Variants in DHX35 observed in about 807,000 individuals in gnomAD.
The protein encoded by DHX35 is probable ATP-dependent RNA helicase DHX35.
A neutral mutation model predicts 99.6 loss-of-function variants in DHX35; 84 were observed. The ratio of observed to expected loss-of-function variants is 0.84; its 90% CI spans 0.71 to 1.01. DHX35 has a LOEUF of 1.01. Ranked by LOEUF, DHX35 falls within the 50% of genes least tolerant of loss-of-function variation. The pLI is 0.00. For synonymous variants in DHX35, 331 were observed against 316.2 expected (o/e 1.05, Z -0.50); for missense variants, 852 against 888.5 (o/e 0.96, Z 0.52).
At chr20:39,023,409 C>T (rs1176542568) in intron 16 of DHX35, among the ~76,000 whole-genome samples, 1 of 152,068 alleles carries the variant, frequency 6.6e-6, no homozygotes, top group Non-Finnish European at 1.5e-5. Context: ...CGCCCTGTTG[C>T]CTTGGTTGGA....
intron 2 of DHX35, among the ~76,000 whole-genome samples, chr20:38,972,009 T>G (rs8119851): frequency 9.3e-4 from 127 of 135,960 alleles, no homozygotes; most frequent in Middle Eastern, 3.7e-3. Flanking sequence ...GTTTTGTTTT[T>G]TTTTTTTTTT....
intron 19 of DHX35, 84 bp downstream of exon 19, chr20:39,028,583 GTAAT>G: frequency 7.1e-7 from 1 of 1,408,530 alleles, no homozygotes; most frequent in Non-Finnish European, 1.0e-6. Flanking sequence ...TGCAGAGATA[GTAAT>G]TGCATAATTA....
intron 3 of DHX35, among the ~76,000 whole-genome samples, chr20:38,981,831 C>A (rs2086178440): frequency 6.6e-6 from 1 of 150,950 alleles, no homozygotes; most frequent in Non-Finnish European, 1.5e-5. Context: ...GTAATCCCAT[C>A]TACTAGGGAG....
rs767700687 is a variant in DHX35 at position 38,988,857 on chromosome 20, C to CGAG, written c.392_394dup (p.Glu131dup). 1.2e-6 allele frequency: 2 copies of CGAG among 1,613,728 alleles called. No individual in the cohort carries two copies. The highest frequency in any genetic ancestry group is 3.3e-5 in the Admixed American group (2 of 60,014). On this transcript the variant is annotated inframe_insertion, in exon 5 of 22. Transcript: ENST00000252011. Reference sequence around the variant, plus strand: ...AAGAAAGGGGTGCAGTGCTGGGCCACGAGGTGGGCTACTGCATCCGCTTTG... The same window carrying CGAG: ...AAGAAAGGGGTGCAGTGCTGGGCCACGAGGAGGTGGGCTACTGCATCCGCTTTG...
At position 39,033,278 on chromosome 20, in the gene DHX35, A is replaced by C. The variant is rs1361358992; in HGVS notation, c.1956-928A>C. 2.0e-5 allele frequency among the ~76,000 whole-genome samples: 3 copies of C among 152,208 alleles called. No homozygotes were observed. The East Asian group carries it at 5.8e-4, about 29-fold the overall frequency. On this transcript the variant is annotated intron_variant, in intron 20 of 21. Coordinates refer to ENST00000252011, the MANE Select transcript of DHX35 (RefSeq NM_021931.4). ...TAAATCAAGAGAGATGCAAAACCTC[A>C]ATTTTAGATCCTTTTTTTGCTGACT...
chr20:38,972,306 C>T (rs954908058), intron 2 of DHX35, among the ~76,000 whole-genome samples: 1 of 149,508 alleles, frequency 6.7e-6, no homozygotes, highest in Non-Finnish European at 1.5e-5. Flanking sequence ...CCACCTCACC[C>T]GGCCTATAAT....
intron 5 of DHX35, among the ~76,000 whole-genome samples, chr20:38,989,226 T>C (rs2086297663): frequency 6.7e-6 from 1 of 149,752 alleles, no homozygotes; most frequent in African/African-American, 2.5e-5. Flanking sequence ...GCCTCCCGAG[T>C]AGCTGGGACT....
intron 4 of DHX35, among the ~76,000 whole-genome samples, chr20:38,986,810 A>G (rs1357443186): frequency 1.3e-5 from 2 of 152,264 alleles, no homozygotes; most frequent in Non-Finnish European, 2.9e-5. Context: ...GATATAGACC[A>G]GCTGCCAGAT....
intron 19 of DHX35, chr20:39,029,369 T>C (rs899269503): frequency 6.6e-6 from 1 of 151,712 alleles, no homozygotes. Flanking sequence ...CCTGGGCTCC[T>C]GTTAATGAGT....
rs370695428 is a variant in DHX35 at position 38,962,407 on chromosome 20, G to A, written c.40G>A (p.Gly14Ser). 2.0e-5 allele frequency: 33 copies of A among 1,612,408 alleles called. No homozygotes were observed. The highest frequency in any genetic ancestry group is 1.7e-5 in the Admixed American group (1 of 59,910). ...GGGACCGGTGAAGTTCTGGCGACCC[G>A]GTAAGGCCCTTGGTGGAACGCTGGG... ...PVGPVKFWRP[G>S]TEGPGVSISE... Residue 14 changes from glycine (G) to serine (S), a missense_variant and splice_region_variant, in exon 1 of 22, where the codon GGT (glycine) becomes AGT (serine). Physicochemically the swap from Gly to Ser is moderately conservative, Grantham distance 56. Coordinates refer to ENST00000252011, the MANE Select transcript of DHX35 (RefSeq NM_021931.4).
At position 39,038,486 on chromosome 20, in the gene DHX35, T is replaced by C. The variant is rs866390321; in HGVS notation, c.2068-13T>C. 6.2e-7 allele frequency: 1 copy of C among 1,613,704 alleles called. No homozygotes were observed. Among genetic ancestry groups the C allele is most frequent in the Middle Eastern group, 1.7e-4 (1 of 6,060 alleles). ...AATCAACCCCAACTGTAGTGTCTTC[T>C]CTTCTGTTGCAGCACCTGTCTCTGA... On this transcript the variant is annotated splice_polypyrimidine_tract_variant and intron_variant, in intron 21 of 21. Transcript: ENST00000252011.
chr20:38,963,917 A>C (rs977207664), intron 1 of DHX35, among the ~76,000 whole-genome samples: 15 of 152,116 alleles, frequency 9.9e-5, no homozygotes, highest in Admixed American at 6.5e-5. Flanking sequence ...TGCAGTGCCC[A>C]TCATGTCTAC....
intron 2 of DHX35, among the ~76,000 whole-genome samples, chr20:38,971,352 C>A (rs111633803): frequency 0.15 from 22,516 of 152,084 alleles, 1,836 homozygotes; most frequent in East Asian, 0.29. Context: ...GACTCCATCT[C>A]AAAAAACAAA....
At chr20:38,981,573 C>T (rs1220664490) in intron 3 of DHX35, among the ~76,000 whole-genome samples, 11 of 152,104 alleles carry the variant, frequency 7.2e-5, no homozygotes, top group African/African-American at 2.7e-4. Flanking sequence ...TCTAGTACTA[C>T]AAGATGTTTC....
intron 12 of DHX35, among the ~76,000 whole-genome samples, chr20:39,008,888 C>G (rs970611588): frequency 1.6e-4 from 25 of 152,204 alleles, no homozygotes; most frequent in Admixed American, 2.0e-4. Context: ...TTCTTCCAGC[C>G]ACCCTGCTTC....
intron 3 of DHX35, among the ~76,000 whole-genome samples, chr20:38,973,755 C>T (rs1292572457): frequency 6.6e-6 from 1 of 152,212 alleles, no homozygotes. Flanking sequence ...ACAGCCACTC[C>T]TACTTGTTGA....
At chr20:39,033,325 G>A (rs2087090489) in intron 20 of DHX35, among the ~76,000 whole-genome samples, 1 of 152,074 alleles carries the variant, frequency 6.6e-6, no homozygotes, top group Non-Finnish European at 1.5e-5. Context: ...AAATTTGGGA[G>A]TTGCTTAAAG....
chr20:39,023,242 C>A (rs2086900041), intron 16 of DHX35, among the ~76,000 whole-genome samples: 1 of 152,178 alleles, frequency 6.6e-6, no homozygotes, highest in Non-Finnish European at 1.5e-5. Context: ...GGTTAAGTAA[C>A]CAAGCTGAGT....
At chr20:39,033,076 C>CA (rs1456295056) in intron 20 of DHX35, among the ~76,000 whole-genome samples, 234 of 146,848 alleles carry the variant, frequency 1.6e-3, no homozygotes, top group African/African-American at 3.8e-3. Context: ...CCTCAACTCT[C>CA]AAAAAAAAAA....
Sources: allele counts gnomAD v4.1 joint callset (sites outside exome capture counted in the v4.1 genomes callset), GRCh38; gene constraint gnomAD v4.1.1; transcripts MANE v1.5; gene names NCBI Gene and HGNC (gene_info 2026-07-23, HGNC 2026-07-21).